ZNF407: variants seen among roughly 807,000 people sequenced by gnomAD.
The protein encoded by ZNF407 is zinc finger protein 407.
A neutral mutation model predicts 131.2 loss-of-function variants in ZNF407; 17 were observed. The observed-to-expected ratio is 0.13, with a 90% CI of 0.09 to 0.19. The LOEUF is 0.19. Ranked by LOEUF, ZNF407 falls within the 10% of genes least tolerant of loss-of-function variation. The pLI is 1.00. For synonymous variants in ZNF407, 1,156 were observed against 1,062.0 expected (o/e 1.09, Z -1.72); for missense variants, 2,681 against 2,830.6 (o/e 0.95, Z 1.20).
chr18:74,998,549 A>G (rs1972805007), intron 8 of ZNF407, among the ~76,000 whole-genome samples: 2 of 152,090 alleles, frequency 1.3e-5, no homozygotes, highest in African/African-American at 4.8e-5. Context: ...ACATGAACAG[A>G]CACTTCTCAA....
intron 1 of ZNF407, among the ~76,000 whole-genome samples, chr18:74,625,834 C>G (rs1983762950): frequency 1.3e-5 from 2 of 152,170 alleles, no homozygotes; most frequent in African/African-American, 2.4e-5. Flanking sequence ...GTGCTTGGAA[C>G]TGTTCTAGGC....
At chr18:74,774,788 G>C (rs1201882019) in intron 3 of ZNF407, among the ~76,000 whole-genome samples, 1 of 152,184 alleles carries the variant, frequency 6.6e-6, no homozygotes, top group Non-Finnish European at 1.5e-5. Flanking sequence ...TTTCTTGAGT[G>C]TGATCTTGAT....
At chr18:74,676,550 C>T (rs904413799) in intron 3 of ZNF407, among the ~76,000 whole-genome samples, 3 of 151,740 alleles carry the variant, frequency 2.0e-5, no homozygotes, top group African/African-American at 7.3e-5. Flanking sequence ...CATTCTCCTG[C>T]CTCAACCTCC....
intron 3 of ZNF407, among the ~76,000 whole-genome samples, chr18:74,714,983 G>A (rs985652400): frequency 6.6e-6 from 1 of 152,128 alleles, no homozygotes; most frequent in African/African-American, 2.4e-5. Flanking sequence ...AGGCAGCCTT[G>A]CACTGCTCCA....
At chr18:75,017,617 G>A (rs188165297) in intron 8 of ZNF407, among the ~76,000 whole-genome samples, 1 of 152,272 alleles carries the variant, frequency 6.6e-6, no homozygotes. Context: ...GAACTGAGTA[G>A]CTCATATCCA....
intron 8 of ZNF407, among the ~76,000 whole-genome samples, chr18:75,060,467 C>T (rs1973614115): frequency 6.6e-6 from 1 of 151,672 alleles, no homozygotes; most frequent in Admixed American, 6.6e-5. Context: ...GGAGCTAGTC[C>T]TGGCTGGCCC....
intron 7 of ZNF407, among the ~76,000 whole-genome samples, chr18:74,897,814 G>A (rs897240490): frequency 1.3e-5 from 2 of 152,172 alleles, no homozygotes; most frequent in Non-Finnish European, 2.9e-5. Context: ...AGTCACCTAT[G>A]CATCCCTACA....
At chr18:74,940,378 G>T (rs1972083605) in intron 8 of ZNF407, among the ~76,000 whole-genome samples, 1 of 152,126 alleles carries the variant, frequency 6.6e-6, no homozygotes, top group South Asian at 2.1e-4. Context: ...TGAAGGACTT[G>T]TCTGGGCACT....
intron 8 of ZNF407, among the ~76,000 whole-genome samples, chr18:74,969,678 G>C (rs1175100217): frequency 6.6e-6 from 1 of 152,202 alleles, no homozygotes; most frequent in Non-Finnish European, 1.5e-5. Context: ...AAGGGGAAGA[G>C]GGTCTTGGGC....
chr18:74,936,719 T>C (rs1001121493), intron 8 of ZNF407, among the ~76,000 whole-genome samples: 7 of 152,190 alleles, frequency 4.6e-5, no homozygotes, highest in Non-Finnish European at 8.8e-5. Context: ...TTAATTCCAG[T>C]TGTGTAGGAT....
intron 3 of ZNF407, among the ~76,000 whole-genome samples, chr18:74,740,467 G>A (rs1568191875): frequency 6.6e-6 from 1 of 152,176 alleles, no homozygotes; most frequent in Non-Finnish European, 1.5e-5. Flanking sequence ...ATTCAGCACA[G>A]TACATATGTG....
chr18:74,698,600 T>A (rs1967416395), intron 3 of ZNF407, among the ~76,000 whole-genome samples: 1 of 152,180 alleles, frequency 6.6e-6, no homozygotes, highest in South Asian at 2.1e-4. Context: ...CAGGGGACAT[T>A]CATGGTGTGT....
intron 8 of ZNF407, among the ~76,000 whole-genome samples, chr18:74,980,640 C>A (rs1031718839): frequency 6.6e-6 from 1 of 152,126 alleles, no homozygotes; most frequent in African/African-American, 2.4e-5. Context: ...ACTAAGAATT[C>A]TTTACTAAGA....
At chr18:74,679,265 A>G (rs372998354) in intron 3 of ZNF407, among the ~76,000 whole-genome samples, 2 of 152,216 alleles carry the variant, frequency 1.3e-5, no homozygotes, top group African/African-American at 4.8e-5. Flanking sequence ...GCATAGTCCT[A>G]CTGTCCTTGT....
At chr18:74,718,929 TTGTC>T (rs1367434550) in intron 3 of ZNF407, among the ~76,000 whole-genome samples, 1 of 152,226 alleles carries the variant, frequency 6.6e-6, no homozygotes, top group Non-Finnish European at 1.5e-5. Context: ...AAAATCTATT[TTGTC>T]TGTCATTAAT....
chr18:75,030,401 A>G (rs1009769735), intron 8 of ZNF407, among the ~76,000 whole-genome samples: 2 of 152,250 alleles, frequency 1.3e-5, no homozygotes, highest in African/African-American at 4.8e-5. Context: ...TGTCTGAAAT[A>G]TAATTGAGAA....
At chr18:74,623,008 CTGAATG>C (rs1241999275) in intron 1 of ZNF407, among the ~76,000 whole-genome samples, 1 of 146,646 alleles carries the variant, frequency 6.8e-6, no homozygotes, top group Non-Finnish European at 1.5e-5. Flanking sequence ...GTCTGTTAGT[CTGAATG>C]TGAGTTGGTG....
At chr18:74,840,820 T>G (rs143191402) in intron 4 of ZNF407, among the ~76,000 whole-genome samples, 4 of 152,242 alleles carry the variant, frequency 2.6e-5, no homozygotes, top group African/African-American at 9.6e-5. Flanking sequence ...TTTTATAGCT[T>G]CTCATCACTA....
intron 4 of ZNF407, among the ~76,000 whole-genome samples, chr18:74,785,860 GCA>G (rs1258785982): frequency 4.6e-5 from 7 of 151,170 alleles, no homozygotes; most frequent in South Asian, 2.1e-4. Flanking sequence ...GGCCCACATG[GCA>G]CACACGTCAC....
Sources: allele counts gnomAD v4.1 joint callset (sites outside exome capture counted in the v4.1 genomes callset), GRCh38; gene constraint gnomAD v4.1.1; transcripts MANE v1.5; gene names NCBI Gene and HGNC (gene_info 2026-07-23, HGNC 2026-07-21).